TRPA1: variants seen among roughly 807,000 people sequenced by gnomAD.
The protein encoded by TRPA1 is transient receptor potential cation channel subfamily A member 1, also known as ankyrin-like with transmembrane domains 1.
TRPA1 carries 129 observed loss-of-function variants against 131.3 expected under a neutral mutation model. The ratio of observed to expected loss-of-function variants is 0.98; its 90% confidence interval spans 0.85 to 1.14. The LOEUF (loss-of-function observed/expected upper bound fraction) is 1.14, where lower values mean the gene tolerates loss of function less well. Ranked by LOEUF, TRPA1 falls within the 50% of genes most tolerant of loss-of-function variation. TRPA1 has a pLI of 0.00. For synonymous variants in TRPA1, 441 were observed against 451.7 expected (o/e 0.98, Z 0.30); for missense variants, 1,304 against 1,354.2 (o/e 0.96, Z 0.58).
intron 4 of TRPA1, among the ~76,000 whole-genome samples, chr8:72,064,983 A>G (rs111494664): frequency 1.4e-4 from 22 of 152,340 alleles, no homozygotes; most frequent in Non-Finnish European, 2.2e-4. Flanking sequence ...TTGAGACCCA[A>G]TGACAATAAT....
intron 2 of TRPA1, among the ~76,000 whole-genome samples, chr8:72,069,453 C>T (rs780424935): frequency 2.6e-5 from 4 of 152,124 alleles, no homozygotes; most frequent in Non-Finnish European, 5.9e-5. Flanking sequence ...ATAGATCCTC[C>T]TATTGCTATA....
intron 15 of TRPA1, among the ~76,000 whole-genome samples, chr8:72,050,131 C>T (rs1805462997): frequency 6.6e-6 from 1 of 151,982 alleles, no homozygotes; most frequent in African/African-American, 2.4e-5. Flanking sequence ...GTGTGATGTT[C>T]CCCACCCTGT....
intron 24 of TRPA1, among the ~76,000 whole-genome samples, chr8:72,026,685 T>C (rs1190182439): frequency 2.0e-5 from 3 of 152,244 alleles, no homozygotes; most frequent in Non-Finnish European, 2.9e-5. Context: ...TTTTCAGGGA[T>C]AGCAAATGAG....
intron 23 of TRPA1, among the ~76,000 whole-genome samples, chr8:72,032,316 C>T (rs57849685): frequency 1.4e-3 from 213 of 152,274 alleles, no homozygotes; most frequent in African/African-American, 4.5e-3. Flanking sequence ...CAGTGTGATA[C>T]GATAGAGATG....
Position 72,047,218 on chromosome 8 carries a change from G to C in TRPA1, c.1906-11C>G. On this transcript the variant is annotated splice_polypyrimidine_tract_variant and intron_variant, in intron 15 of 26. Transcript: ENST00000262209. Reference sequence around the variant, plus strand: ...GAAATCTAAAAGTACCTTTGAAAGAGAAAAACCAGCTAAGATATTGGGGCA... The same window carrying C: ...GAAATCTAAAAGTACCTTTGAAAGACAAAAACCAGCTAAGATATTGGGGCA... 1 of 1,608,280 alleles carries C rather than the reference G, an allele frequency of 6.2e-7. No individual in the cohort carries two copies. Among genetic ancestry groups the C allele is most frequent in the Non-Finnish European group, 8.5e-7 (1 of 1,175,434 alleles).
At chr8:72,051,799 C>G (rs1035421404) in intron 14 of TRPA1, among the ~76,000 whole-genome samples, 2 of 152,142 alleles carry the variant, frequency 1.3e-5, no homozygotes, top group African/African-American at 4.8e-5. Flanking sequence ...ACTAAAATTC[C>G]TTGGAGTATG....
chr8:72,026,114 G>A lies in TRPA1; in HGVS notation c.2938-41C>T, dbSNP rs776526641. The A allele has an allele frequency of 1.9e-5, 28 of 1,501,802 alleles. 1 individual carries two copies. Among genetic ancestry groups the A allele is most frequent in the Non-Finnish European group, 2.5e-5 (27 of 1,079,316 alleles). The allele number at this position is 1,501,802 out of a possible 1,614,324, so 93.0% of individuals were successfully genotyped here. ...GATTTATTGATAGAATCATTAGTTA[G>A]TATATGGAATTTTTATATGGCACAG... On this transcript the variant is annotated intron_variant, in intron 24 of 26. Transcript: ENST00000262209.
At chr8:72,027,397 G>A (rs1310354032) in intron 24 of TRPA1, among the ~76,000 whole-genome samples, 1 of 152,106 alleles carries the variant, frequency 6.6e-6, no homozygotes, top group Non-Finnish European at 1.5e-5. Context: ...AACTGGTGGG[G>A]TTTCCATGTT....
chr8:72,033,523 T>A, intron 23 of TRPA1, 121 bp downstream of exon 23: 1 of 984,968 alleles, frequency 1.0e-6, no homozygotes. Flanking sequence ...AACGAATAGA[T>A]TTTGTAGTAG....
At chr8:72,027,464 T>A (rs905755166) in intron 24 of TRPA1, among the ~76,000 whole-genome samples, 1 of 152,182 alleles carries the variant, frequency 6.6e-6, no homozygotes, top group Admixed American at 6.5e-5. Context: ...GAGATATAAA[T>A]GTTTATGGAC....
intron 15 of TRPA1, among the ~76,000 whole-genome samples, chr8:72,049,607 C>T (rs1805442218): frequency 6.6e-6 from 1 of 152,134 alleles, no homozygotes; most frequent in Non-Finnish European, 1.5e-5. Context: ...TACTCATCTG[C>T]TCAACAATTT....
At chr8:72,084,852 C>T in the TRPA1 span, among the ~76,000 whole-genome samples, 1 of 151,698 alleles carries the variant, frequency 6.6e-6, no homozygotes, top group African/African-American at 2.4e-5. Flanking sequence ...AGGTTTCATT[C>T]TGTCGGCCAG....
At chr8:72,073,277 A>C (rs1806105518) in intron 1 of TRPA1, among the ~76,000 whole-genome samples, 1 of 152,234 alleles carries the variant, frequency 6.6e-6, no homozygotes, top group Non-Finnish European at 1.5e-5. Context: ...CAAATGCTAA[A>C]CTATTCACTA....
chr8:72,044,187 A>G (rs1298696358), intron 17 of TRPA1, among the ~76,000 whole-genome samples: 3 of 151,358 alleles, frequency 2.0e-5, no homozygotes, highest in Non-Finnish European at 3.0e-5. Flanking sequence ...CCGAAAAGCT[A>G]TATATCTAGC....
intron 23 of TRPA1, among the ~76,000 whole-genome samples, chr8:72,030,513 G>A (rs545267519): frequency 2.0e-4 from 30 of 152,288 alleles, no homozygotes; most frequent in African/African-American, 7.2e-4. Context: ...CCTCTGCAAC[G>A]ATGATGGCCA....
intron 1 of TRPA1, among the ~76,000 whole-genome samples, chr8:72,073,441 T>C (rs557044874): frequency 6.6e-6 from 1 of 152,348 alleles, no homozygotes; most frequent in South Asian, 2.1e-4. Flanking sequence ...ATACAGCTTT[T>C]CTTTTAAATT....
intron 25 of TRPA1, among the ~76,000 whole-genome samples, chr8:72,024,910 A>G (rs912931608): frequency 3.9e-5 from 6 of 152,212 alleles, no homozygotes; most frequent in African/African-American, 1.4e-4. Flanking sequence ...TTATGACTAC[A>G]CAGGGGAAAT....
At chr8:72,033,512 G>A (rs1173029479) in intron 23 of TRPA1, 132 bp downstream of exon 23, 12 of 895,514 alleles carry the variant, frequency 1.3e-5, no homozygotes, top group Admixed American at 1.2e-4. Flanking sequence ...AGTGAGTGTT[G>A]AACGAATAGA....
At chr8:72,080,505 G>A (rs1227334367), upstream of TRPA1, among the ~76,000 whole-genome samples, 1 of 151,550 alleles carries the variant, frequency 6.6e-6, no homozygotes, top group Non-Finnish European at 1.5e-5. Context: ...CTGTGTTTAG[G>A]CTCAAGAAGA....
Sources: gnomAD v4.1 joint callset for allele counts (sites outside exome capture counted in the v4.1 genomes callset) on GRCh38, gnomAD v4.1.1 for gene constraint, MANE v1.5 for transcripts, NCBI Gene and HGNC (gene_info 2026-07-23, HGNC 2026-07-21) for gene names.